Variants in RYR2 observed in about 807,000 individuals in gnomAD.
RYR2 encodes the protein cardiac muscle ryanodine receptor-calcium release channel.
A neutral mutation model predicts 601.1 loss-of-function variants in RYR2; 227 were observed. The ratio of observed to expected loss-of-function variants is 0.38; its 90% CI spans 0.34 to 0.42. The LOEUF (loss-of-function observed/expected upper bound fraction) is 0.42. RYR2 is among the 10% of genes least tolerant of loss of function. RYR2 has a pLI of 1.00. For missense variants in RYR2, 4,646 were observed against 6,156.5 expected (o/e 0.75, Z 8.21); for synonymous variants, 2,223 against 2,175.1 (o/e 1.02, Z -0.61).
At chr1:237,126,062 C>T (rs1021125477) in intron 1 of RYR2, among the ~76,000 whole-genome samples, 3 of 152,140 alleles carry the variant, frequency 2.0e-5, no homozygotes, top group Non-Finnish European at 4.4e-5. Context: ...CATGGCAAAA[C>T]CCTGTCTCTA....
chr1:237,629,973 A>G (rs912635564), intron 41 of RYR2, among the ~76,000 whole-genome samples: 1 of 152,176 alleles, frequency 6.6e-6, no homozygotes, highest in Non-Finnish European at 1.5e-5. Context: ...TTATAATTGT[A>G]TGAGCATAGG....
intron 3 of RYR2, among the ~76,000 whole-genome samples, chr1:237,352,378 A>G (rs1698927696): frequency 6.6e-6 from 1 of 152,128 alleles, no homozygotes; most frequent in South Asian, 2.1e-4. Context: ...ATACCTAGGA[A>G]TAACTCTAAT....
chr1:237,513,240 T>C (rs1276695225), intron 24 of RYR2, among the ~76,000 whole-genome samples: 1 of 152,170 alleles, frequency 6.6e-6, no homozygotes, highest in Non-Finnish European at 1.5e-5. Flanking sequence ...TATAGAAAAG[T>C]AAAGAGAATA....
At chr1:237,574,614 A>G (rs1343534183) in intron 29 of RYR2, among the ~76,000 whole-genome samples, 2 of 152,070 alleles carry the variant, frequency 1.3e-5, no homozygotes, top group Non-Finnish European at 2.9e-5. Flanking sequence ...TATGAGATAA[A>G]TTTTCCTGCT....
intron 43 of RYR2, 54 bp from the exon 44 acceptor site, chr1:237,634,835 G>C: frequency 7.3e-7 from 1 of 1,368,244 alleles, no homozygotes; most frequent in Non-Finnish European, 1.0e-6. Context: ...TTTGTATGGA[G>C]TTTATAGTTA....
intron 63 of RYR2, among the ~76,000 whole-genome samples, chr1:237,689,729 G>A (rs1686772145): frequency 6.6e-6 from 1 of 151,930 alleles, no homozygotes; most frequent in African/African-American, 2.4e-5. Flanking sequence ...TATTATTAAA[G>A]TGTATGTTAT....
chr1:237,185,861 T>C (rs1430012693), intron 1 of RYR2, among the ~76,000 whole-genome samples: 1 of 152,240 alleles, frequency 6.6e-6, no homozygotes, highest in East Asian at 1.9e-4. Context: ...GCTGTTTTTG[T>C]ACACCAAGGT....
At chr1:237,420,517 C>CTG (rs1705453463) in intron 11 of RYR2, among the ~76,000 whole-genome samples, 1 of 152,108 alleles carries the variant, frequency 6.6e-6, no homozygotes, top group African/African-American at 2.4e-5. Flanking sequence ...ATTTTCTTGC[C>CTG]TTGCCCTCTC....
intron 10 of RYR2, among the ~76,000 whole-genome samples, chr1:237,392,073 A>G (rs753279504): frequency 6.6e-5 from 10 of 152,150 alleles, no homozygotes; most frequent in Admixed American, 3.3e-4. Context: ...AGTTGTGAGC[A>G]GTCAGGTATA....
At chr1:237,633,755 A>G (rs754754918) in intron 43 of RYR2, 45 bp downstream of exon 43, 1 of 1,535,494 alleles carries the variant, frequency 6.5e-7, no homozygotes, top group Non-Finnish European at 8.8e-7. Context: ...GAAATAATAT[A>G]ATATTACATT....
At chr1:237,498,539 C>T (rs1259420259) in intron 20 of RYR2, among the ~76,000 whole-genome samples, 4 of 151,578 alleles carry the variant, frequency 2.6e-5, no homozygotes, top group Non-Finnish European at 5.9e-5. Flanking sequence ...AAATGAAGCA[C>T]GTGGACTTGT....
chr1:237,739,204 T>C (rs1391034936), intron 79 of RYR2, among the ~76,000 whole-genome samples: 1 of 152,214 alleles, frequency 6.6e-6, no homozygotes, highest in Non-Finnish European at 1.5e-5. Flanking sequence ...TTGGTGATAA[T>C]TTGAAAAATC....
intron 6 of RYR2, 124 bp from the exon 7 acceptor site, chr1:237,374,593 G>A: frequency 1.3e-6 from 1 of 743,916 alleles, no homozygotes. Flanking sequence ...AGGAGGTTGA[G>A]GCTGCAGTGA....
chr1:237,333,511 G>A lies in RYR2; in HGVS notation c.273+2529G>A, dbSNP rs534094242. 1,018 of 437,996 alleles carry A rather than the reference G, an allele frequency of 2.3e-3. 15 individuals are homozygous for A. Among genetic ancestry groups the A allele is most frequent in the South Asian group, 0.016 (999 of 61,160 alleles). 27.1% of individuals were successfully genotyped at this position (437,996 alleles called of 1,614,324 possible). A position where few individuals can be genotyped will look rare whatever the true frequency, so the allele number is the denominator to read the frequency against. On this transcript the variant is annotated intron_variant, in intron 3 of 104. Transcript: ENST00000366574. ...GGGGGTGTCCTGGAGGACCCCTGGGGTGGTCAGGGTTAGGGAGCACTGTGG... is the reference window on the plus strand; with the variant it reads ...GGGGGTGTCCTGGAGGACCCCTGGGATGGTCAGGGTTAGGGAGCACTGTGG...
At chr1:237,359,024 G>A (rs1167780080) in intron 4 of RYR2, among the ~76,000 whole-genome samples, 1 of 152,040 alleles carries the variant, frequency 6.6e-6, no homozygotes, top group African/African-American at 2.4e-5. Flanking sequence ...ATATGTTTTG[G>A]GACGTGATAG....
chr1:237,379,773 C>T (rs1052861431), intron 8 of RYR2, among the ~76,000 whole-genome samples: 1 of 152,156 alleles, frequency 6.6e-6, no homozygotes, highest in African/African-American at 2.4e-5. Flanking sequence ...TGAGCCACAC[C>T]TTGCCCAGCC....
chr1:237,043,097 A>G (rs551513989), intron 1 of RYR2, among the ~76,000 whole-genome samples: 1 of 152,212 alleles, frequency 6.6e-6, no homozygotes, highest in Non-Finnish European at 1.5e-5. Context: ...TACTCCGTGT[A>G]GCGTGCGGCG....
intron 1 of RYR2, among the ~76,000 whole-genome samples, chr1:237,049,215 TG>T (rs1426301188): frequency 6.6e-6 from 1 of 152,162 alleles, no homozygotes; most frequent in African/African-American, 2.4e-5. Context: ...TAATTGAGTC[TG>T]AGTGATTAGG....
At chr1:237,796,112 G>A (rs989592717) in intron 96 of RYR2, among the ~76,000 whole-genome samples, 1 of 151,820 alleles carries the variant, frequency 6.6e-6, no homozygotes, top group African/African-American at 2.4e-5. Flanking sequence ...GTTCCCTCGT[G>A]ACCTGGCATC....
Sources: gnomAD v4.1 joint callset for allele counts (sites outside exome capture counted in the v4.1 genomes callset) on GRCh38, gnomAD v4.1.1 for gene constraint, MANE v1.5 for transcripts, NCBI Gene and HGNC (gene_info 2026-07-23, HGNC 2026-07-21) for gene names.